CPAP: variants seen among roughly 807,000 people sequenced by gnomAD.
CPAP encodes the protein centrosomal P4.1-associated protein.
the CPAP span, chr13:24,885,583 AAT>A: frequency 1.9e-6 from 3 of 1,547,488 alleles, no homozygotes; most frequent in Non-Finnish European, 2.7e-6. Context: ...ATGTTTGAAG[AAT>A]ATATAAAAAC....
the CPAP span, among the ~76,000 whole-genome samples, chr13:24,886,661 T>A: frequency 6.6e-6 from 1 of 152,204 alleles, no homozygotes; most frequent in East Asian, 1.9e-4. Context: ...CACAAGAATG[T>A]CATGCTTCAC....
chr13:24,924,457 A>G, the CPAP span, among the ~76,000 whole-genome samples: 21 of 152,250 alleles, frequency 1.4e-4, 1 homozygote, highest in African/African-American at 4.8e-4. Context: ...TGGCTGTTAA[A>G]TTAAGGTTAT....
the CPAP span, chr13:24,906,653 C>T: frequency 4.5e-5 from 73 of 1,614,266 alleles, 2 homozygotes; most frequent in South Asian, 7.8e-4. Flanking sequence ...CCTGTTACTA[C>T]ACTTCAGCAT....
the CPAP span, among the ~76,000 whole-genome samples, chr13:24,932,620 T>G: frequency 6.6e-6 from 1 of 152,258 alleles, no homozygotes; most frequent in East Asian, 1.9e-4. Flanking sequence ...TGAGTCTTTT[T>G]GAATGCATAG....
the CPAP span, among the ~76,000 whole-genome samples, chr13:24,933,882 G>A: frequency 8.6e-5 from 13 of 151,928 alleles, no homozygotes; most frequent in Non-Finnish European, 1.9e-4. Context: ...CTGCCACCAC[G>A]CCTGGCTAAT....
chr13:24,882,727 G>A, the CPAP span: 1 of 168,354 alleles, frequency 5.9e-6, no homozygotes, highest in Admixed American at 5.9e-5. Flanking sequence ...AGATCAAATG[G>A]TCTAATTTTG....
the CPAP span, among the ~76,000 whole-genome samples, chr13:24,917,426 C>G: frequency 6.6e-6 from 1 of 152,012 alleles, no homozygotes; most frequent in East Asian, 1.9e-4. Flanking sequence ...ATATTTTTCT[C>G]TTAAACACTT....
At chr13:24,889,147 AT>A in the CPAP span, 2 of 634,284 alleles carry the variant, frequency 3.2e-6, no homozygotes, top group African/African-American at 3.7e-5. Flanking sequence ...CAGGGTAGAA[AT>A]TAACTGGCGG....
At chr13:24,892,717 A>G in the CPAP span, 1 of 1,614,082 alleles carries the variant, frequency 6.2e-7, no homozygotes, top group African/African-American at 1.3e-5. Context: ...TCCAGTCGGA[A>G]TCTTTCCATC....
the CPAP span, chr13:24,905,677 A>G: frequency 6.2e-7 from 1 of 1,614,126 alleles, no homozygotes; most frequent in South Asian, 1.1e-5. Flanking sequence ...TTTTACTCAG[A>G]CTTAGGGATG....
the CPAP span, among the ~76,000 whole-genome samples, chr13:24,887,046 A>G: frequency 6.6e-6 from 1 of 152,180 alleles, no homozygotes; most frequent in African/African-American, 2.4e-5. Context: ...AACTGGGGAC[A>G]GTGGAAGCTA....
the CPAP span, among the ~76,000 whole-genome samples, chr13:24,899,858 C>T: frequency 1.3e-5 from 2 of 151,978 alleles, no homozygotes; most frequent in Non-Finnish European, 2.9e-5. Context: ...ATAATCCCAA[C>T]ACTGGGAGGC....
the CPAP span, among the ~76,000 whole-genome samples, chr13:24,920,957 A>C: frequency 6.6e-6 from 1 of 152,142 alleles, no homozygotes; most frequent in Non-Finnish European, 1.5e-5. Context: ...GCTGAAGAAC[A>C]GGCAAAATAA....
At chr13:24,883,149 C>T in the CPAP span, 3 of 1,589,986 alleles carry the variant, frequency 1.9e-6, no homozygotes, top group Non-Finnish European at 2.6e-6. Context: ...AAGTCAGTTA[C>T]TGTTACTTCA....
the CPAP span, chr13:24,912,053 TG>T: frequency 6.2e-7 from 1 of 1,613,758 alleles, no homozygotes; most frequent in African/African-American, 1.3e-5. Context: ...CTGCTTCTTC[TG>T]TTGTACTTCT....
chr13:24,906,828 G>C, the CPAP span: 1 of 1,614,166 alleles, frequency 6.2e-7, no homozygotes, highest in South Asian at 1.1e-5. Flanking sequence ...GAAGTGCTCT[G>C]GTTAGTCACT....
At chr13:24,921,757 T>C in the CPAP span, among the ~76,000 whole-genome samples, 1 of 151,884 alleles carries the variant, frequency 6.6e-6, no homozygotes, top group East Asian at 1.9e-4. Context: ...ACTAGAAAAA[T>C]TCCCTACTAG....
chr13:24,905,993 G>A, the CPAP span: 1 of 1,614,152 alleles, frequency 6.2e-7, no homozygotes, highest in East Asian at 2.2e-5. Flanking sequence ...ATTTTCAGAA[G>A]TGCTCTTTTG....
chr13:24,931,306 C>CTTTTTTTTTTTTTTTTTTTTTTT, the CPAP span, among the ~76,000 whole-genome samples: 50 of 72,634 alleles, frequency 6.9e-4, 2 homozygotes, highest in East Asian at 1.2e-3. Context: ...TTTCATGTTT[C>CTTTTTTTTTTTTTTTTTTTTTTT]TTTTTTTTTT....
Sources: gnomAD v4.1 joint callset for allele counts (sites outside exome capture counted in the v4.1 genomes callset) on GRCh38, gnomAD v4.1.1 for gene constraint, MANE v1.5 for transcripts, NCBI Gene and HGNC (gene_info 2026-07-23, HGNC 2026-07-21) for gene names.